LRRC4B: variants seen among roughly 807,000 people sequenced by gnomAD.
The protein encoded by LRRC4B is leucine-rich repeat-containing protein 4B.
LRRC4B carries 1 observed loss-of-function variant against 7.3 expected under a neutral mutation model. The observed-to-expected ratio is 0.14, with a 90% confidence interval of 0.05 to 0.65. The LOEUF is 0.65. Ranked by LOEUF, LRRC4B falls within the 30% of genes least tolerant of loss-of-function variation. The pLI is 0.84. For synonymous variants in LRRC4B, 500 were observed against 499.2 expected, an observed-to-expected ratio of 1.00 and a Z score of -0.02; for missense variants, 730 against 1,041.6, an observed-to-expected ratio of 0.70 and a Z score of 4.12.
At position 50,553,216 on chromosome 19, in the gene LRRC4B, C is replaced by T. The variant is rs902699256; in HGVS notation, c.-35-4343G>A. Among the ~76,000 whole-genome samples the T allele has an allele frequency of 6.6e-6, 1 of 152,166 alleles. No homozygotes were observed. Among genetic ancestry groups the T allele is most frequent in the African/African-American group, 2.4e-5 (1 of 41,432 alleles). On this transcript the variant is annotated intron_variant, in intron 1 of 2. Coordinates refer to ENST00000652263, the MANE Select transcript of LRRC4B (RefSeq NM_001080457.2). The surrounding 1 kb of genome is among the most constrained non-coding windows in gnomAD (Gnocchi z 4.2). ...ACAGTGTCCTCCCCTCCAGCCTCCC[C>T]ATTTCTGCCTTCACCCCCACTCCCC...
chr19:50,540,232 G>C (rs927602308), intron 2 of LRRC4B, among the ~76,000 whole-genome samples: 2 of 152,160 alleles, frequency 1.3e-5, no homozygotes, highest in African/African-American at 4.8e-5. Flanking sequence ...GCCACAGACC[G>C]GTACTGGTGG....
At chr19:50,565,126 G>A (rs578202731) in intron 1 of LRRC4B, among the ~76,000 whole-genome samples, 2 of 152,182 alleles carry the variant, frequency 1.3e-5, no homozygotes, top group Non-Finnish European at 2.9e-5. Context: ...TGCTGGATGG[G>A]GCTGGCCCTC....
chr19:50,526,856 CT>C (rs34995756), intron 2 of LRRC4B, among the ~76,000 whole-genome samples: 3,052 of 138,426 alleles, frequency 0.022, 48 homozygotes, highest in Non-Finnish European at 0.027. Context: ...TTATCTTTTA[CT>C]TTTTTTTTTT....
rs1299919714 is a variant in LRRC4B at position 50,552,620 on chromosome 19, CCATCCATT to C, written c.-35-3755_-35-3748del. ...TCCATCCATCCATCCATCCATCCAT[CCATCCATT>C]CATCCATCCGCCCATCCGTCCATCC... is the stretch of plus-strand genomic sequence containing the variant. On this transcript the variant is annotated intron_variant, in intron 1 of 2. Coordinates refer to ENST00000652263, the MANE Select transcript of LRRC4B (RefSeq NM_001080457.2). Among the ~76,000 whole-genome samples, 21 of 124,226 alleles carry C rather than the reference CCATCCATT, an allele frequency of 1.7e-4. 1 individual carries two copies. Among genetic ancestry groups the C allele is most frequent in the African/African-American group, 5.2e-4 (16 of 30,708 alleles). The allele number at this position is 124,226 out of a possible 152,430, so 81.5% of individuals were successfully genotyped here.
At position 50,563,259 on chromosome 19, in the gene LRRC4B, G is replaced by A. The variant is rs2122933527; in HGVS notation, c.-36+4685C>T. On this transcript the variant is annotated intron_variant, in intron 1 of 2. Coordinates refer to ENST00000652263, the MANE Select transcript of LRRC4B (RefSeq NM_001080457.2). The surrounding 1 kb of genome is among the most constrained non-coding windows in gnomAD (Gnocchi z 4.9). ...CGCGTGGGTTTCCAGGCAACAAGGGGCATCCTGCCACTCTCCTTACTCTCC... is the reference window on the plus strand; with the variant it reads ...CGCGTGGGTTTCCAGGCAACAAGGGACATCCTGCCACTCTCCTTACTCTCC... Among the ~76,000 whole-genome samples the A allele has an allele frequency of 6.6e-6, 1 of 152,216 alleles. No individual in the cohort carries two copies. Among genetic ancestry groups the A allele is most frequent in the East Asian group, 1.9e-4 (1 of 5,154 alleles).
At chr19:50,544,380 A>G (rs553834847) in intron 2 of LRRC4B, among the ~76,000 whole-genome samples, 92 of 143,208 alleles carry the variant, frequency 6.4e-4, no homozygotes, top group Middle Eastern at 8.0e-3. Context: ...GGTGGCGGGC[A>G]CCTGTAGTCC....
At position 50,528,049 on chromosome 19, in the gene LRRC4B, C is replaced by T. The variant is rs140391547; in HGVS notation, c.298-8634G>A. Among the ~76,000 whole-genome samples, 609 of 151,518 alleles carry T rather than the reference C, an allele frequency of 4.0e-3. 2 individuals are homozygous for T. The highest frequency in any genetic ancestry group is 0.014 in the African/African-American group (571 of 41,288). On this transcript the variant is annotated intron_variant, in intron 2 of 2. Coordinates refer to ENST00000652263, the MANE Select transcript of LRRC4B (RefSeq NM_001080457.2). Reference sequence around the variant, plus strand: ...AGCCACCGTGCCTGGCCCTCTCTCTCTCTCTTTCTTTCTGACAGGGTCTCC... The same window carrying T: ...AGCCACCGTGCCTGGCCCTCTCTCTTTCTCTTTCTTTCTGACAGGGTCTCC...
In LRRC4B at chr19:50,555,385, C is replaced by T; in HGVS notation, c.-35-6512G>A. 6.6e-6 allele frequency: 1 copy of T among 152,602 alleles called. No homozygotes were observed. Among genetic ancestry groups the T allele is most frequent in the Non-Finnish European group, 1.5e-5 (1 of 68,228 alleles). The allele number at this position is 152,602 out of a possible 1,614,324, so 9.5% of individuals were successfully genotyped here. ...CCATCACAAGGGTACACCTGTTCTCCTCCCTCACCTGGTGCAAGGAACAAG... is the reference window on the plus strand; with the variant it reads ...CCATCACAAGGGTACACCTGTTCTCTTCCCTCACCTGGTGCAAGGAACAAG... On this transcript the variant is annotated intron_variant, in intron 1 of 2. Transcript: ENST00000652263. This position sits in a 1 kb window ranked among gnomAD's most constrained non-coding sequence, Gnocchi z 5.2.
chr19:50,523,657 C>A (rs1277016953), intron 2 of LRRC4B, among the ~76,000 whole-genome samples: 1 of 121,698 alleles, frequency 8.2e-6, no homozygotes, highest in East Asian at 2.5e-4. Flanking sequence ...AGTGAGACTC[C>A]ATCTTAAAAA....
intron 1 of LRRC4B, among the ~76,000 whole-genome samples, chr19:50,562,752 T>C (rs1279245425): frequency 6.6e-6 from 1 of 151,000 alleles, no homozygotes; most frequent in African/African-American, 2.4e-5. Context: ...GTTTTTTTTT[T>C]TTTGGCGATG....
rs576907872 is a variant in LRRC4B at position 50,529,542 on chromosome 19, T to C, written c.298-10127A>G. Among the ~76,000 whole-genome samples the C allele has an allele frequency of 2.0e-5, 3 of 152,268 alleles. No homozygotes were observed. In the South Asian group the frequency reaches 6.2e-4, roughly 32 times the overall value. ...CCAAGAGGCCGGACACGGTGGCTCA[T>C]GCCTGTAATCCCAGCACTTTGGGAG... is the stretch of plus-strand genomic sequence containing the variant. On this transcript the variant is annotated intron_variant, in intron 2 of 2. Transcript: ENST00000652263.
At position 50,548,432 on chromosome 19, in the gene LRRC4B, C is replaced by A. The variant is rs1981903866; in HGVS notation, c.297+110G>T. The A allele has an allele frequency of 7.0e-7, 1 of 1,423,258 alleles. No individual in the cohort carries two copies. The highest frequency in any genetic ancestry group is 9.5e-7 in the Non-Finnish European group (1 of 1,056,268). The allele number at this position is 1,423,258 out of a possible 1,614,324, so 88.2% of individuals were successfully genotyped here. A position where few individuals can be genotyped will look rare whatever the true frequency, so the allele number is the denominator to read the frequency against. On this transcript the variant is annotated intron_variant, in intron 2 of 2. Coordinates refer to ENST00000652263, the MANE Select transcript of LRRC4B (RefSeq NM_001080457.2). The surrounding 1 kb of genome is among the most constrained non-coding windows in gnomAD (Gnocchi z 6.8). The stretch of plus-strand genomic sequence containing the variant: ...GACCCGCAGGCCACATCCACAGGTG[C>A]CGGAGACGGGGAAGCCCCGGTGTGG...
chr19:50,562,150 T>G lies in LRRC4B; in HGVS notation c.-36+5794A>C, dbSNP rs917335060. ...AAAAAAAAAAATTGAATTTCCACTT[T>G]TAGGGCCCAATGGACCAGTGCATTC... On this transcript the variant is annotated intron_variant, in intron 1 of 2. Coordinates refer to ENST00000652263, the MANE Select transcript of LRRC4B (RefSeq NM_001080457.2). Among the ~76,000 whole-genome samples the G allele has an allele frequency of 5.3e-5, 8 of 151,844 alleles. No homozygotes were observed. In the East Asian group the frequency reaches 1.5e-3, roughly 29 times the overall value.
chr19:50,544,989 G>A (rs1981736036), intron 2 of LRRC4B, among the ~76,000 whole-genome samples: 1 of 152,048 alleles, frequency 6.6e-6, no homozygotes. Context: ...GGTGGCGCCT[G>A]TAATCCCAGC....
At chr19:50,533,615 G>A (rs1209320182) in intron 2 of LRRC4B, among the ~76,000 whole-genome samples, 2 of 152,158 alleles carry the variant, frequency 1.3e-5, no homozygotes. Context: ...ATGCAAAGCT[G>A]ATCTCATCTC....
chr19:50,534,452 T>C (rs1033023403), intron 2 of LRRC4B, among the ~76,000 whole-genome samples: 2 of 151,772 alleles, frequency 1.3e-5, no homozygotes, highest in African/African-American at 4.8e-5. Context: ...GATGTTGACA[T>C]TTTGTCCTAC....
chr19:50,552,426 C>T (rs1209699874), intron 1 of LRRC4B, among the ~76,000 whole-genome samples: 1 of 152,048 alleles, frequency 6.6e-6, no homozygotes, highest in South Asian at 2.1e-4. Context: ...GCCACAAAGG[C>T]CCCCACCCCT....
At position 50,518,778 on chromosome 19, in the gene LRRC4B, G is replaced by A; in HGVS notation, c.935C>T (p.Pro312Leu). The A allele has an allele frequency of 6.2e-7, 1 of 1,614,092 alleles. No individual in the cohort carries two copies. Among genetic ancestry groups the A allele is most frequent in the Non-Finnish European group, 8.5e-7 (1 of 1,179,976 alleles). The change falls in exon 3 of 3, where the codon CCC becomes CTC. Residue 312 changes from proline (P) to leucine (L), a missense_variant. Around this residue, in one of 6 missense-constraint regions of LRRC4B, gnomAD observed 226 missense variants for 448.0 expected, o/e 0.50. Coordinates refer to ENST00000652263, the MANE Select transcript of LRRC4B (RefSeq NM_001080457.2). ...RLERVHLNHNPWHCNCDVLWL... is the reference protein window; with the variant it reads ...RLERVHLNHNLWHCNCDVLWL... Reference sequence around the variant, plus strand: ...GAGCACGTCGCAGTTGCAATGCCAGGGGTTGTGGTTGAGGTGCACGCGCTC... The same window carrying A: ...GAGCACGTCGCAGTTGCAATGCCAGAGGTTGTGGTTGAGGTGCACGCGCTC...
At chr19:50,549,381 T>A (rs1981956699) in intron 1 of LRRC4B, among the ~76,000 whole-genome samples, 1 of 151,528 alleles carries the variant, frequency 6.6e-6, no homozygotes, top group Non-Finnish European at 1.5e-5. Context: ...ACCTGGGAGG[T>A]GGGTCCCAGC....
Sources: gnomAD v4.1 joint callset for allele counts (sites outside exome capture counted in the v4.1 genomes callset) on GRCh38, gnomAD v4.1.1 for gene constraint, gnomAD v4.1.1 regional missense constraint, Gnocchi (gnomAD v3.1) non-coding constraint, MANE v1.5 for transcripts, NCBI Gene and HGNC (gene_info 2026-07-23, HGNC 2026-07-21) for gene names.